Variants in TRPM3 observed in about 807,000 individuals in gnomAD.
TRPM3 encodes transient receptor potential cation channel subfamily M member 3.
In TRPM3, 77 loss-of-function variants were observed where a neutral mutation model predicts 181.2. The observed-to-expected ratio is 0.42, with a 90% confidence interval of 0.35 to 0.51. The LOEUF is 0.51. Among genes scored for constraint, TRPM3 ranks in the 20% least tolerant of loss-of-function variants. TRPM3 has a pLI of 0.01. For missense variants in TRPM3, 1,759 were observed against 2,196.7 expected (o/e 0.80, Z 3.98); for synonymous variants, 745 against 796.4 (o/e 0.94, Z 1.09).
intron 6 of TRPM3, chr9:70,793,618 C>T (rs752684630): frequency 4.3e-6 from 2 of 470,552 alleles, no homozygotes; most frequent in South Asian, 1.5e-5. Flanking sequence ...TTCCCGGCTG[C>T]CACTCTGCTT....
At chr9:71,384,531 G>A (rs2132895390) in intron 1 of TRPM3, among the ~76,000 whole-genome samples, 1 of 152,276 alleles carries the variant, frequency 6.6e-6, no homozygotes, top group South Asian at 2.1e-4. Context: ...CACATTTGAT[G>A]GTGTAACCTA....
intron 1 of TRPM3, among the ~76,000 whole-genome samples, chr9:71,355,028 C>A (rs939059510): frequency 2.0e-5 from 3 of 152,206 alleles, no homozygotes; most frequent in Non-Finnish European, 4.4e-5. Context: ...TTCTTAAACT[C>A]CTGGCAACTT....
At chr9:71,386,558 C>T (rs11791357) in intron 1 of TRPM3, among the ~76,000 whole-genome samples, 20,989 of 151,892 alleles carry the variant, frequency 0.14, 1,560 homozygotes, top group East Asian at 0.21. Flanking sequence ...ACTGTCTGTG[C>T]AATATCAAGG....
At chr9:70,914,313 T>TG (rs1387433190) in intron 1 of TRPM3, among the ~76,000 whole-genome samples, 4 of 152,238 alleles carry the variant, frequency 2.6e-5, no homozygotes, top group African/African-American at 9.6e-5. Context: ...TACACTGAAC[T>TG]TTCTGGCACT....
intron 1 of TRPM3, among the ~76,000 whole-genome samples, chr9:71,386,321 C>T (rs191176010): frequency 4.0e-5 from 6 of 151,702 alleles, no homozygotes; most frequent in African/African-American, 1.4e-4. Context: ...TGGCGGTGCA[C>T]GCGTGTAGTC....
At chr9:71,138,676 A>G (rs1284578686) in intron 1 of TRPM3, among the ~76,000 whole-genome samples, 1 of 152,224 alleles carries the variant, frequency 6.6e-6, no homozygotes, top group Non-Finnish European at 1.5e-5. Context: ...AGATTATAAC[A>G]TCATTCAATA....
chr9:71,249,577 T>C (rs7871760), intron 1 of TRPM3, among the ~76,000 whole-genome samples: 7,655 of 152,240 alleles, frequency 0.05, 209 homozygotes, highest in East Asian at 0.12. Flanking sequence ...CCTTGAGATA[T>C]ATATATTTTC....
intron 1 of TRPM3, among the ~76,000 whole-genome samples, chr9:70,946,433 G>GTAA (rs55711193): frequency 0.18 from 25,587 of 144,484 alleles, 2,263 homozygotes; most frequent in Non-Finnish European, 0.2. Context: ...CTGTTAAATG[G>GTAA]TAATAATAAT....
chr9:71,341,241 A>C (rs761514681), intron 1 of TRPM3, among the ~76,000 whole-genome samples: 72 of 152,314 alleles, frequency 4.7e-4, no homozygotes, highest in Non-Finnish European at 9.1e-4. Context: ...ATGTGTCAAC[A>C]AAAGTGTAAG....
intron 18 of TRPM3, among the ~76,000 whole-genome samples, chr9:70,614,656 C>A (rs1490003520): frequency 6.6e-6 from 1 of 152,128 alleles, no homozygotes; most frequent in Non-Finnish European, 1.5e-5. Flanking sequence ...TACAGGCACA[C>A]TTTTTACACG....
intron 1 of TRPM3, among the ~76,000 whole-genome samples, chr9:71,282,128 G>GGA: frequency 5.1e-5 from 4 of 77,738 alleles, no homozygotes; most frequent in Non-Finnish European, 1.2e-4. Flanking sequence ...AAGAAAGAAC[G>GGA]AAAGAAAGAA....
chr9:70,640,612 T>G lies in TRPM3; in HGVS notation c.1394A>C (p.Asn465Thr). The G allele has an allele frequency of 6.2e-7, 1 of 1,613,816 alleles. No individual in the cohort carries two copies. Among genetic ancestry groups the G allele is most frequent in the Non-Finnish European group, 8.5e-7 (1 of 1,179,836 alleles). ...CTGGCTGCGAGCGATGTCGACTCTG[T>G]TCCAGGCTAAAGCTAAGCTCAGTTG... ...PDQLSLALAW[N>T]RVDIARSQIF... The change falls in exon 10 of 26, where the codon AAC becomes ACC. Residue 465 changes from asparagine (N) to threonine (T), a missense_variant. Asn to Thr is a moderately conservative substitution (Grantham distance 65). Coordinates refer to ENST00000677713, the MANE Select transcript of TRPM3 (RefSeq NM_001366145.2).
intron 8 of TRPM3, among the ~76,000 whole-genome samples, chr9:70,754,102 G>T (rs948182693): frequency 4.6e-5 from 7 of 152,148 alleles, no homozygotes; most frequent in Admixed American, 1.3e-4. Flanking sequence ...ATAGAGGAAG[G>T]CTTCTGCAGG....
intron 14 of TRPM3, among the ~76,000 whole-genome samples, chr9:70,624,492 G>T (rs1310664184): frequency 6.6e-6 from 1 of 151,976 alleles, no homozygotes; most frequent in Non-Finnish European, 1.5e-5. Flanking sequence ...TCACTTACAT[G>T]GTTTTAGATT....
chr9:71,268,138 T>C (rs1371680390), intron 1 of TRPM3, among the ~76,000 whole-genome samples: 1 of 152,184 alleles, frequency 6.6e-6, no homozygotes, highest in Non-Finnish European at 1.5e-5. Context: ...CTCAGCACTT[T>C]GGGAGACCGA....
At chr9:70,577,357 G>A (rs1216815635) in intron 22 of TRPM3, among the ~76,000 whole-genome samples, 1 of 152,232 alleles carries the variant, frequency 6.6e-6, no homozygotes. Context: ...CTAGAAGTCA[G>A]ATGGGCCTGG....
At chr9:71,399,718 C>T (rs558721240) in intron 1 of TRPM3, among the ~76,000 whole-genome samples, 16 of 151,556 alleles carry the variant, frequency 1.1e-4, no homozygotes, top group African/African-American at 1.2e-4. Context: ...GTTTTAGTAG[C>T]GACAAGGTTT....
chr9:71,117,283 C>A (rs1041133671), intron 1 of TRPM3, among the ~76,000 whole-genome samples: 2 of 152,130 alleles, frequency 1.3e-5, no homozygotes, highest in African/African-American at 2.4e-5. Flanking sequence ...TGCAAAAATT[C>A]TTTTAATTGC....
intron 1 of TRPM3, among the ~76,000 whole-genome samples, chr9:71,301,382 G>A (rs922000348): frequency 6.6e-6 from 1 of 152,076 alleles, no homozygotes; most frequent in Non-Finnish European, 1.5e-5. Flanking sequence ...TTTACACATT[G>A]ATTACTCCTC....
Sources: allele counts gnomAD v4.1 joint callset (sites outside exome capture counted in the v4.1 genomes callset), GRCh38; gene constraint gnomAD v4.1.1; transcripts MANE v1.5; gene names NCBI Gene and HGNC (gene_info 2026-07-23, HGNC 2026-07-21).